Variants in HSD17B4 observed in about 807,000 individuals in gnomAD.
The protein encoded by HSD17B4 is peroxisomal multifunctional enzyme type 2.
Under a neutral mutation model 101.0 loss-of-function variants are expected in HSD17B4, and 70 were observed. That is an observed-to-expected ratio of 0.69 (90% CI 0.57 to 0.85). The LOEUF is 0.85. Ranked by LOEUF, HSD17B4 falls within the 40% of genes least tolerant of loss-of-function variation. The pLI, the probability that HSD17B4 is intolerant of heterozygous loss-of-function variation, is 0.00. For synonymous variants in HSD17B4, 347 were observed against 297.1 expected, an observed-to-expected ratio of 1.17 and a Z score of -1.73; for missense variants, 984 against 892.4, an observed-to-expected ratio of 1.10 and a Z score of -1.31.
intron 17 of HSD17B4, 134 bp from the exon 18 acceptor site, chr5:119,525,080 AAT>A (rs1753458344): frequency 1.6e-6 from 1 of 629,062 alleles, no homozygotes. Context: ...TGTTAAAAAT[AAT>A]TATTTTTAAA....
At chr5:119,489,311 T>C (rs766499583) in intron 9 of HSD17B4, 28 bp downstream of exon 9, 9 of 1,442,444 alleles carry the variant, frequency 6.2e-6, no homozygotes, top group East Asian at 2.3e-5. Context: ...TTTTCTCTTA[T>C]TAGTTTTCTC....
In HSD17B4 at chr5:119,477,618, A is replaced by G; in HGVS notation, c.434+117A>G. 3 of 795,806 alleles carry G rather than the reference A, an allele frequency of 3.8e-6. No individual in the cohort carries two copies. In the South Asian group the frequency reaches 4.2e-5, roughly 11 times the overall value. The allele number at this position is 795,806 out of a possible 1,614,324, so 49.3% of individuals were successfully genotyped here. A position where few individuals can be genotyped will look rare whatever the true frequency, so the allele number is the denominator to read the frequency against. On this transcript the variant is annotated intron_variant, in intron 7 of 23. Transcript: ENST00000510025. ...TGATTTATGACATTGAGGAATATGT[A>G]CAACCTTTTAACATATGGTTTTGGC...
At position 119,509,297 on chromosome 5, in the gene HSD17B4, A is replaced by G. The variant is rs1286721721; in HGVS notation, c.1437+53A>G. 3 of 1,086,312 alleles carry G rather than the reference A, an allele frequency of 2.8e-6. No homozygotes were observed. In the African/African-American group the frequency reaches 4.6e-5, roughly 17 times the overall value. The allele number at this position is 1,086,312 out of a possible 1,614,324, so 67.3% of individuals were successfully genotyped here. On this transcript the variant is annotated intron_variant, in intron 16 of 23. Coordinates refer to ENST00000510025, the MANE Select transcript of HSD17B4 (RefSeq NM_000414.4). ...TATGTGTAGTTAAGGATTCTTACCTATACAATTGAGACTTGAACAGCATGA... is the reference window on the plus strand; with the variant it reads ...TATGTGTAGTTAAGGATTCTTACCTGTACAATTGAGACTTGAACAGCATGA...
intron 17 of HSD17B4, among the ~76,000 whole-genome samples, chr5:119,516,504 A>G (rs927552725): frequency 6.6e-6 from 1 of 151,886 alleles, no homozygotes; most frequent in Non-Finnish European, 1.5e-5. Flanking sequence ...AGGTTTTAAT[A>G]TTTTGCTGCG....
Position 119,508,465 on chromosome 5 carries a change from A to T in HSD17B4, c.1334-676A>T, listed in dbSNP as rs145814776. Among the ~76,000 whole-genome samples, 267 of 152,328 alleles carry T rather than the reference A, an allele frequency of 1.8e-3. 6 individuals carry two copies. In the South Asian group the frequency reaches 0.049, roughly 28 times the overall value. On this transcript the variant is annotated intron_variant, in intron 15 of 23. Coordinates refer to ENST00000510025, the MANE Select transcript of HSD17B4 (RefSeq NM_000414.4). ...AGATTTTTCTTTAGTATGCAATTTA[A>T]AATCATATTTCTAGTTTTGCAGAGC...
At chr5:119,455,915 G>C (rs113714655) in intron 1 of HSD17B4, among the ~76,000 whole-genome samples, 3 of 152,122 alleles carry the variant, frequency 2.0e-5, no homozygotes, top group Non-Finnish European at 4.4e-5. Flanking sequence ...AGAAGTCGCT[G>C]CTATAGTCAG....
chr5:119,498,097 G>A (rs77668981), intron 12 of HSD17B4, among the ~76,000 whole-genome samples: 1 of 152,190 alleles, frequency 6.6e-6, no homozygotes, highest in East Asian at 1.9e-4. Context: ...GTTCCTGTTT[G>A]TATTCTTTCT....
At chr5:119,495,177 A>G (rs182305730) in intron 11 of HSD17B4, among the ~76,000 whole-genome samples, 14 of 152,224 alleles carry the variant, frequency 9.2e-5, no homozygotes, top group African/African-American at 2.6e-4. Flanking sequence ...ATATTTAGAC[A>G]TTTGAGAAAT....
chr5:119,509,314 AC>A, intron 16 of HSD17B4, 70 bp downstream of exon 16: 1 of 981,030 alleles, frequency 1.0e-6, no homozygotes, highest in African/African-American at 1.6e-5. Context: ...TGAGACTTGA[AC>A]AGCATGAGTT....
At chr5:119,475,069 C>T (rs574894966) in intron 4 of HSD17B4, among the ~76,000 whole-genome samples, 210 of 152,152 alleles carry the variant, frequency 1.4e-3, no homozygotes, top group Middle Eastern at 6.8e-3. Flanking sequence ...TGAATGTGCT[C>T]TCCCTTTTTT....
chr5:119,513,998 A>G (rs1287536840), intron 16 of HSD17B4, among the ~76,000 whole-genome samples: 1 of 152,244 alleles, frequency 6.6e-6, no homozygotes, highest in Non-Finnish European at 1.5e-5. Flanking sequence ...CTTGGTACTC[A>G]GAAATTTTAA....
chr5:119,538,130 A>G (rs1344300702), intron 23 of HSD17B4, among the ~76,000 whole-genome samples: 1 of 152,158 alleles, frequency 6.6e-6, no homozygotes, highest in South Asian at 2.1e-4. Flanking sequence ...TGTGACCAAA[A>G]TAGAACTTGT....
chr5:119,472,766 T>C lies in HSD17B4; in HGVS notation c.113-1142T>C, dbSNP rs552996387. Among the ~76,000 whole-genome samples the C allele has an allele frequency of 2.8e-4, 42 of 152,310 alleles. No homozygotes were observed. The South Asian group carries it at 7.7e-3, about 28-fold the overall frequency. ...ATTGGTACTTTATACCCATTGGTTA[T>C]CAACTCTCCATTTCCAGCATCTCAC... On this transcript the variant is annotated intron_variant, in intron 2 of 23. Transcript: ENST00000510025.
Position 119,536,409 on chromosome 5 carries a change from C to A in HSD17B4, c.1994-14C>A. On this transcript the variant is annotated splice_polypyrimidine_tract_variant and intron_variant, in intron 22 of 23. Transcript: ENST00000510025. ...AGAAAAAGATACACATTGGTTTCTT[C>A]CTATTTTTCCCAGCTATTGACCTGA... is the stretch of plus-strand genomic sequence containing the variant. 1.9e-6 allele frequency: 3 copies of A among 1,611,156 alleles called. No individual in the cohort carries two copies. The highest frequency in any genetic ancestry group is 2.5e-6 in the Non-Finnish European group (3 of 1,177,756).
In HSD17B4 at chr5:119,503,721, A is replaced by G. The variant is rs544802111; in HGVS notation, c.1261+1629A>G. On this transcript the variant is annotated intron_variant, in intron 14 of 23. Coordinates refer to ENST00000510025, the MANE Select transcript of HSD17B4 (RefSeq NM_000414.4). ...ACCACTAGAAGGAGTGAAGGAACGC[A>G]GCAGTACTTTCTTTTCTGTCTGTTT... is the stretch of plus-strand genomic sequence containing the variant. Among the ~76,000 whole-genome samples the G allele has an allele frequency of 2.6e-4, 39 of 151,286 alleles. No homozygotes were observed. The South Asian group carries it at 6.9e-3, about 27-fold the overall frequency.
chr5:119,456,952 G>T (rs1754740168), intron 2 of HSD17B4, among the ~76,000 whole-genome samples: 2 of 152,240 alleles, frequency 1.3e-5, no homozygotes, highest in African/African-American at 4.8e-5. Context: ...TCTAAAGTAT[G>T]GGTTTCTTGA....
rs36201214 is a variant in HSD17B4 at position 119,499,668 on chromosome 5, T to C, written c.1209+115T>C. 1.9e-4 allele frequency: 103 copies of C among 529,588 alleles called. 1 individual carries two copies. The highest frequency in any genetic ancestry group is 2.9e-4 in the Non-Finnish European group (89 of 307,918). 32.8% of individuals were successfully genotyped at this position (529,588 alleles called of 1,614,324 possible). A position where few individuals can be genotyped will look rare whatever the true frequency, so the allele number is the denominator to read the frequency against. On this transcript the variant is annotated intron_variant, in intron 13 of 23. Transcript: ENST00000510025. ...GTGTGTATATATATTTATATAATTATTTATAGTGGTTAGTTTAGCATATCT... is the reference window on the plus strand; with the variant it reads ...GTGTGTATATATATTTATATAATTACTTATAGTGGTTAGTTTAGCATATCT...
rs1754555500 is a variant in HSD17B4, at chr5:119,536,539, G to T, written c.2110G>T (p.Asp704Tyr). 6.2e-7 allele frequency: 1 copy of T among 1,611,980 alleles called. No individual in the cohort carries two copies. Among genetic ancestry groups the T allele is most frequent in the South Asian group, 1.1e-5 (1 of 91,044 alleles). The change falls in exon 23 of 24, where the codon GAC becomes TAC. Residue 704 changes from aspartate (D) to tyrosine (Y), a missense_variant. By Grantham distance (160) the Asp-to-Tyr change is radical. Transcript: ENST00000510025. ...DFMEVVLGKL[D>Y]PQKAFFSGRL... ...CATGGAGGTGGTCCTGGGCAAGCTT[G>T]ACCCTCAGAAGGTAATGTTCTCAAA...
At chr5:119,534,957 C>CA (rs2126910016) in intron 22 of HSD17B4, among the ~76,000 whole-genome samples, 1 of 109,620 alleles carries the variant, frequency 9.1e-6, no homozygotes, top group South Asian at 2.6e-4. Flanking sequence ...TTAATAACAT[C>CA]ATTTTGTACT....
Sources: gnomAD v4.1 joint callset for allele counts (sites outside exome capture counted in the v4.1 genomes callset) on GRCh38, gnomAD v4.1.1 for gene constraint, MANE v1.5 for transcripts, NCBI Gene and HGNC (gene_info 2026-07-23, HGNC 2026-07-21) for gene names.